AUTS2: variants seen among roughly 807,000 people sequenced by gnomAD.
The protein encoded by AUTS2 is autism susceptibility gene 2 protein.
In AUTS2, 17 loss-of-function variants were observed where a neutral mutation model predicts 112.4. That is an observed-to-expected ratio of 0.15 (90% CI 0.10 to 0.23). The LOEUF (loss-of-function observed/expected upper bound fraction) is 0.23. AUTS2 is among the 10% of genes least tolerant of loss of function. The pLI is 1.00. For synonymous variants in AUTS2, 751 were observed against 702.7 expected (o/e 1.07, Z -1.09); for missense variants, 1,510 against 1,701.6 (o/e 0.89, Z 1.98).
intron 4 of AUTS2, among the ~76,000 whole-genome samples, chr7:70,336,657 C>G (rs1321012141): frequency 6.6e-6 from 1 of 152,078 alleles, no homozygotes; most frequent in African/African-American, 2.4e-5. Flanking sequence ...AATAATTCTT[C>G]ACTCTGTGCC....
intron 1 of AUTS2, among the ~76,000 whole-genome samples, chr7:69,758,794 T>G (rs1788045943): frequency 6.6e-6 from 1 of 152,152 alleles, no homozygotes; most frequent in Admixed American, 6.5e-5. Context: ...AGACACCTGG[T>G]GAGAGAGTAG....
intron 4 of AUTS2, among the ~76,000 whole-genome samples, chr7:70,219,602 C>T (rs1389481016): frequency 6.8e-6 from 1 of 147,598 alleles, no homozygotes; most frequent in African/African-American, 2.5e-5. Context: ...GAGAGAGTCT[C>T]GCTCTGTTGC....
chr7:70,295,517 G>T (rs1392766856), intron 4 of AUTS2, among the ~76,000 whole-genome samples: 1 of 151,908 alleles, frequency 6.6e-6, no homozygotes, highest in Non-Finnish European at 1.5e-5. Flanking sequence ...TTTGGAGTTT[G>T]GATCTCTTAG....
chr7:69,985,899 G>C (rs1798494023), intron 2 of AUTS2, among the ~76,000 whole-genome samples: 1 of 152,024 alleles, frequency 6.6e-6, no homozygotes, highest in African/African-American at 2.4e-5. Context: ...AAGACTACAG[G>C]CACGTGCCAC....
At chr7:70,622,411 C>A (rs1201385254) in intron 5 of AUTS2, among the ~76,000 whole-genome samples, 3 of 152,134 alleles carry the variant, frequency 2.0e-5, no homozygotes, top group Non-Finnish European at 4.4e-5. Context: ...TCTTGCTGAG[C>A]AGAACACGGT....
chr7:70,664,412 C>G (rs1038105929), intron 5 of AUTS2, among the ~76,000 whole-genome samples: 7 of 152,186 alleles, frequency 4.6e-5, no homozygotes, highest in African/African-American at 1.4e-4. Context: ...CTCATAATTT[C>G]TCTCCTCTTT....
intron 6 of AUTS2, chr7:70,729,242 C>A (rs528649592): frequency 4.4e-6 from 2 of 455,060 alleles, no homozygotes; most frequent in African/African-American, 2.0e-5. Flanking sequence ...TGGGCCAGTG[C>A]GGACCCCAGT....
intron 5 of AUTS2, among the ~76,000 whole-genome samples, chr7:70,524,048 T>C (rs1799744723): frequency 1.3e-5 from 2 of 152,344 alleles, no homozygotes; most frequent in South Asian, 2.1e-4. Flanking sequence ...TCGAACAAAA[T>C]GGTTACATTT....
intron 1 of AUTS2, among the ~76,000 whole-genome samples, chr7:69,626,602 CA>C (rs1793962738): frequency 6.6e-6 from 1 of 152,102 alleles, no homozygotes; most frequent in Admixed American, 6.5e-5. Flanking sequence ...TTATATAAAT[CA>C]TATGCATAAT....
At chr7:70,618,732 G>A (rs7793832) in intron 5 of AUTS2, among the ~76,000 whole-genome samples, 1 of 136,222 alleles carries the variant, frequency 7.3e-6, no homozygotes, top group Non-Finnish European at 1.6e-5. Context: ...CAGAGAGAGA[G>A]AAAGAGAGAG....
intron 5 of AUTS2, among the ~76,000 whole-genome samples, chr7:70,673,696 T>C (rs1807764004): frequency 6.6e-6 from 1 of 152,146 alleles, no homozygotes; most frequent in African/African-American, 2.4e-5. Context: ...CTTTTGATCC[T>C]ACCTGTTTCC....
chr7:69,900,524 T>G (rs1343565221), intron 2 of AUTS2, among the ~76,000 whole-genome samples: 1 of 152,242 alleles, frequency 6.6e-6, no homozygotes, highest in Non-Finnish European at 1.5e-5. Flanking sequence ...GGCCCCTCTT[T>G]AGGACCTAAT....
intron 4 of AUTS2, among the ~76,000 whole-genome samples, chr7:70,338,587 C>CCA (rs1791102365): frequency 6.6e-6 from 1 of 151,984 alleles, no homozygotes; most frequent in African/African-American, 2.4e-5. Context: ...CAGTTAAAGC[C>CCA]CAGAAGAAAT....
Position 70,790,370 on chromosome 7 carries a change from A to C in AUTS2, c.3154A>C (p.Ile1052Leu). 6.2e-7 allele frequency: 1 copy of C among 1,613,870 alleles called. No homozygotes were observed. The highest frequency in any genetic ancestry group is 8.5e-7 in the Non-Finnish European group (1 of 1,179,986). Residue 1052 changes from isoleucine to leucine, a missense_variant, in exon 19 of 19, where the codon ATC (isoleucine) becomes CTC (leucine). Ile to Leu is a conservative substitution (Grantham distance 5, BLOSUM62 2). This residue lies in a region of AUTS2 where 788 missense variants were observed against 797.6 expected (regional missense o/e 0.99). Coordinates refer to ENST00000342771, the MANE Select transcript of AUTS2 (RefSeq NM_015570.4). The surrounding 1 kb of genome is among the most constrained non-coding windows in gnomAD (Gnocchi z 7.6). ...TCGCATGATGACCCCCTTCATGGGC[A>C]TCAGCCCCCTCCCGGGCGGAGAGCG... ...RTRMMTPFMG[I>L]SPLPGGERFP... is the part of the protein sequence containing the mutation.
intron 2 of AUTS2, among the ~76,000 whole-genome samples, chr7:70,088,295 G>A (rs1003593861): frequency 2.0e-5 from 3 of 150,832 alleles, no homozygotes; most frequent in Non-Finnish European, 3.0e-5. Flanking sequence ...GGCTAAATTT[G>A]TTTTTGTATT....
chr7:70,048,449 A>T (rs1308689281), intron 2 of AUTS2, among the ~76,000 whole-genome samples: 3 of 152,206 alleles, frequency 2.0e-5, no homozygotes, highest in Admixed American at 6.5e-5. Flanking sequence ...CTTATATCTC[A>T]CTTAGAGTAA....
chr7:70,564,445 C>A (rs142060123), intron 5 of AUTS2, among the ~76,000 whole-genome samples: 1 of 152,170 alleles, frequency 6.6e-6, no homozygotes, highest in African/African-American at 2.4e-5. Flanking sequence ...ATGGGCTGGG[C>A]AATTAGGTTT....
At chr7:69,745,137 ACT>A (rs1478865430) in intron 1 of AUTS2, among the ~76,000 whole-genome samples, 1 of 151,526 alleles carries the variant, frequency 6.6e-6, no homozygotes, top group Admixed American at 6.6e-5. Context: ...AGAGTAAGAA[ACT>A]CTTTCTCCGG....
intron 2 of AUTS2, among the ~76,000 whole-genome samples, chr7:70,076,827 G>T (rs1803058682): frequency 6.6e-6 from 1 of 152,190 alleles, no homozygotes; most frequent in Admixed American, 6.5e-5. Flanking sequence ...AATACAAATT[G>T]TGAAAACATA....
Sources: allele counts gnomAD v4.1 joint callset (sites outside exome capture counted in the v4.1 genomes callset), GRCh38; gene constraint gnomAD v4.1.1; regional missense constraint gnomAD v4.1.1; non-coding constraint Gnocchi (gnomAD v3.1); transcripts MANE v1.5; gene names NCBI Gene and HGNC (gene_info 2026-07-23, HGNC 2026-07-21).